SMARCC1: variants seen among roughly 807,000 people sequenced by gnomAD.
The protein encoded by SMARCC1 is SWI/SNF related BAF chromatin remodeling complex subunit C1.
SMARCC1 carries 43 observed loss-of-function variants against 147.4 expected under a neutral mutation model. The ratio of observed to expected loss-of-function variants is 0.29; its 90% CI spans 0.23 to 0.38. The LOEUF (loss-of-function observed/expected upper bound fraction) is 0.38. Among genes scored for constraint, SMARCC1 ranks in the 10% least tolerant of loss-of-function variants. The pLI, the probability that SMARCC1 is intolerant of heterozygous loss-of-function variation, is 1.00. For synonymous variants in SMARCC1, 495 were observed against 484.4 expected (o/e 1.02, Z -0.29); for missense variants, 1,119 against 1,381.1 (o/e 0.81, Z 3.01).
chr3:47,692,547 T>C (rs922373882), intron 12 of SMARCC1, among the ~76,000 whole-genome samples: 1 of 152,172 alleles, frequency 6.6e-6, no homozygotes, highest in African/African-American at 2.4e-5. Context: ...TCAATTATAT[T>C]ATTACCACCT....
chr3:47,778,226 CACTG>C (rs1350394751), intron 1 of SMARCC1, among the ~76,000 whole-genome samples: 3 of 138,176 alleles, frequency 2.2e-5, no homozygotes, highest in Non-Finnish European at 4.7e-5. Flanking sequence ...ACAAAAAAAA[CACTG>C]ACTCCTAATT....
At chr3:47,755,068 G>A (rs571469150) in intron 2 of SMARCC1, among the ~76,000 whole-genome samples, 3 of 150,868 alleles carry the variant, frequency 2.0e-5, no homozygotes, top group African/African-American at 7.3e-5. Context: ...AAAATTATCC[G>A]GGCACAGTTA....
intron 21 of SMARCC1, among the ~76,000 whole-genome samples, chr3:47,647,529 C>T (rs972686236): frequency 1.3e-5 from 2 of 152,148 alleles, no homozygotes; most frequent in Non-Finnish European, 2.9e-5. Flanking sequence ...AAGCCAAGAA[C>T]CATCTGTATA....
rs1385200860 is a variant in SMARCC1, at chr3:47,590,750, GA to G, written c.3130del (p.Ser1044LeufsTer18). The G allele has an allele frequency of 6.2e-7, 1 of 1,604,462 alleles. No individual in the cohort carries two copies. Among genetic ancestry groups the G allele is most frequent in the East Asian group, 2.3e-5 (1 of 44,132 alleles). On this transcript the variant is annotated frameshift_variant, in exon 27 of 28. Transcript: ENST00000254480. LOFTEE classifies it high-confidence loss of function. ...IPTVAANIHP[S>X]GSGPTPPGMP... ...GCCAGGAGGGGTAGGGCCACTCCCAGAGGGGTGGATGTTGGCTGCAACAGTG... is the reference window on the plus strand; with the variant it reads ...GCCAGGAGGGGTAGGGCCACTCCCAGGGGGTGGATGTTGGCTGCAACAGTG...
intron 21 of SMARCC1, among the ~76,000 whole-genome samples, chr3:47,652,599 C>T (rs552236262): frequency 6.7e-4 from 96 of 143,542 alleles, no homozygotes; most frequent in South Asian, 2.8e-3. Flanking sequence ...GTAACCTCTC[C>T]ATGCCTCAGT....
chr3:47,601,114 T>C (rs2032378330), intron 26 of SMARCC1, among the ~76,000 whole-genome samples: 1 of 150,890 alleles, frequency 6.6e-6, no homozygotes, highest in Non-Finnish European at 1.5e-5. Context: ...TACAAGCTTT[T>C]TTTCTTTTCT....
At chr3:47,656,795 TC>T (rs1002899614) in intron 21 of SMARCC1, among the ~76,000 whole-genome samples, 3 of 152,168 alleles carry the variant, frequency 2.0e-5, no homozygotes, top group African/African-American at 7.2e-5. Context: ...GCGCCTGTAG[TC>T]CCAGCTACTT....
chr3:47,701,481 C>A, intron 10 of SMARCC1, 79 bp from the exon 11 acceptor site: 1 of 1,294,100 alleles, frequency 7.7e-7, no homozygotes, highest in South Asian at 1.2e-5. Flanking sequence ...GGTTGTACAC[C>A]TTCATTATTT....
intron 24 of SMARCC1, among the ~76,000 whole-genome samples, chr3:47,626,868 G>A (rs2032817892): frequency 6.6e-6 from 1 of 152,070 alleles, no homozygotes; most frequent in African/African-American, 2.4e-5. Flanking sequence ...AAGACCACAA[G>A]GGGAAATTCT....
chr3:47,763,393 C>T (rs913842171), intron 2 of SMARCC1, among the ~76,000 whole-genome samples: 7 of 142,306 alleles, frequency 4.9e-5, no homozygotes, highest in African/African-American at 1.3e-4. Flanking sequence ...GCAACAATAG[C>T]GAGACTCCAG....
intron 18 of SMARCC1, among the ~76,000 whole-genome samples, chr3:47,671,173 C>CAAAAAAAAAAAAAAAAAA (rs775759680): frequency 3.8e-4 from 11 of 29,236 alleles, no homozygotes; most frequent in African/African-American, 1.5e-3. Context: ...GAGACTATCT[C>CAAAAAAAAAAAAAAAAAA]AAAAAAAAAA....
chr3:47,674,670 G>A (rs1349691722), intron 18 of SMARCC1, among the ~76,000 whole-genome samples: 7 of 152,110 alleles, frequency 4.6e-5, no homozygotes, highest in Non-Finnish European at 7.4e-5. Flanking sequence ...TTTCAGTAGA[G>A]GCAAGGCTGC....
chr3:47,605,923 A>G (rs562098709), intron 26 of SMARCC1, among the ~76,000 whole-genome samples: 1 of 152,076 alleles, frequency 6.6e-6, no homozygotes, highest in South Asian at 2.1e-4. Flanking sequence ...CAGTATGATG[A>G]GGGCCTCTGT....
In SMARCC1 at chr3:47,676,668, G is replaced by A. The variant is rs376083483; in HGVS notation, c.1686C>T (p.Thr562=). ...GATGCAGAGGCACAAGCCCAGAGGGGGTATCAGCTAATACATTAAAATGAG... is the reference window on the plus strand; with the variant it reads ...GATGCAGAGGCACAAGCCCAGAGGGAGTATCAGCTAATACATTAAAATGAG... The part of the protein sequence containing the change: ...PTPHFNVLAD[T]PSGLVPLHLR... Residue 562 remains threonine (T), a synonymous_variant, in exon 17 of 28, where the codon ACC becomes ACT. Transcript: ENST00000254480. 3 of 1,613,662 alleles carry A rather than the reference G, an allele frequency of 1.9e-6. No homozygotes were observed. Among genetic ancestry groups the A allele is most frequent in the Non-Finnish European group, 2.5e-6 (3 of 1,179,764 alleles).
intron 4 of SMARCC1, 49 bp downstream of exon 4, chr3:47,737,980 A>G (rs763903534): frequency 1.4e-6 from 2 of 1,401,150 alleles, no homozygotes; most frequent in Non-Finnish European, 9.9e-7. Flanking sequence ...CTTAAAACTG[A>G]AAATATATTA....
intron 21 of SMARCC1, among the ~76,000 whole-genome samples, chr3:47,655,848 T>A (rs187487651): frequency 6.6e-6 from 1 of 152,268 alleles, no homozygotes; most frequent in East Asian, 1.9e-4. Context: ...ACATACATAG[T>A]TTCATAATGA....
intron 25 of SMARCC1, among the ~76,000 whole-genome samples, chr3:47,615,745 G>A (rs149178079): frequency 7.2e-5 from 11 of 152,078 alleles, no homozygotes; most frequent in South Asian, 4.2e-4. Flanking sequence ...GTGCAATGGC[G>A]CCATCACGGC....
At chr3:47,701,653 A>C (rs1202701866) in intron 10 of SMARCC1, 1 of 380,950 alleles carries the variant, frequency 2.6e-6, no homozygotes, top group Non-Finnish European at 4.8e-6. Context: ...GTCTCTACTG[A>C]AAATACAAAA....
intron 10 of SMARCC1, 80 bp from the exon 11 acceptor site, chr3:47,701,482 T>G: frequency 7.8e-7 from 1 of 1,289,484 alleles, no homozygotes; most frequent in Non-Finnish European, 1.1e-6. Context: ...GTTGTACACC[T>G]TCATTATTTG....
Sources: gnomAD v4.1 joint callset for allele counts (sites outside exome capture counted in the v4.1 genomes callset) on GRCh38, gnomAD v4.1.1 for gene constraint, MANE v1.5 for transcripts, NCBI Gene and HGNC (gene_info 2026-07-23, HGNC 2026-07-21) for gene names.